The following PDE4D variants were observed in gnomAD, a reference collection of about 807,000 sequenced individuals.
PDE4D encodes the protein phosphodiesterase 4D, also known as 3',5'-cyclic-AMP phosphodiesterase 4D.
Under a neutral mutation model 87.4 loss-of-function variants are expected in PDE4D, and 24 were observed. The observed-to-expected ratio is 0.27, with a 90% confidence interval of 0.20 to 0.39. The LOEUF is 0.39. PDE4D is among the 10% of genes least tolerant of loss of function. The probability of loss-of-function intolerance (pLI) is 1.00; values close to 1 mark genes in which losing one functional copy is unlikely to be tolerated. For synonymous variants in PDE4D, 384 were observed against 383.2 expected (o/e 1.00, Z -0.02); for missense variants, 714 against 1,041.0 (o/e 0.69, Z 4.32).
chr5:60,295,590 A>T (rs1753306302), intron 1 of PDE4D, among the ~76,000 whole-genome samples: 1 of 152,130 alleles, frequency 6.6e-6, no homozygotes, highest in Non-Finnish European at 1.5e-5. Flanking sequence ...GGCTTCTACC[A>T]ACTAGATGGC....
chr5:59,625,138 A>G (rs1050006605), intron 1 of PDE4D, among the ~76,000 whole-genome samples: 1 of 152,200 alleles, frequency 6.6e-6, no homozygotes, highest in African/African-American at 2.4e-5. Context: ...TGAGTCCTAT[A>G]AAACCTATAA....
intron 1 of PDE4D, among the ~76,000 whole-genome samples, chr5:60,412,127 A>T (rs1742094590): frequency 6.6e-6 from 1 of 152,058 alleles, no homozygotes; most frequent in South Asian, 2.1e-4. Flanking sequence ...GGCTGGGTTC[A>T]TCTGTACATT....
intron 1 of PDE4D, among the ~76,000 whole-genome samples, chr5:60,333,376 G>T (rs1312311846): frequency 6.6e-6 from 1 of 152,070 alleles, no homozygotes; most frequent in African/African-American, 2.4e-5. Context: ...GTACATCTGT[G>T]GCCTGTTCAC....
intron 1 of PDE4D, among the ~76,000 whole-genome samples, chr5:59,743,810 C>T (rs766048339): frequency 6.6e-6 from 1 of 152,030 alleles, no homozygotes; most frequent in Non-Finnish European, 1.5e-5. Context: ...TTGAGCACTA[C>T]AATCATCACT....
intron 1 of PDE4D, among the ~76,000 whole-genome samples, chr5:59,370,849 T>C (rs1264080523): frequency 6.6e-6 from 1 of 152,212 alleles, no homozygotes; most frequent in Non-Finnish European, 1.5e-5. Flanking sequence ...TTAAACGTTA[T>C]GATTGATATT....
At chr5:59,347,848 G>A (rs138861348) in intron 1 of PDE4D, among the ~76,000 whole-genome samples, 52 of 152,224 alleles carry the variant, frequency 3.4e-4, no homozygotes, top group African/African-American at 1.1e-3. Context: ...TTGACCTTGT[G>A]CAGTTCTGAG....
intron 2 of PDE4D, among the ~76,000 whole-genome samples, chr5:59,204,637 GA>G (rs1169838681): frequency 1.3e-5 from 2 of 152,306 alleles, no homozygotes; most frequent in African/African-American, 4.8e-5. Context: ...ACAAAGCTGA[GA>G]GTCTGACTTC....
At chr5:59,130,086 A>C (rs1776062105) in intron 5 of PDE4D, among the ~76,000 whole-genome samples, 1 of 152,222 alleles carries the variant, frequency 6.6e-6, no homozygotes, top group African/African-American at 2.4e-5. Flanking sequence ...GTTCCTCAGT[A>C]CCACTAAAAT....
chr5:59,276,773 C>A (rs1030245583), intron 1 of PDE4D, among the ~76,000 whole-genome samples: 2 of 152,064 alleles, frequency 1.3e-5, no homozygotes, highest in Non-Finnish European at 1.5e-5. Context: ...TCCTTAACAG[C>A]TCTTCAGTAA....
chr5:59,435,845 T>C (rs936779746), intron 1 of PDE4D, among the ~76,000 whole-genome samples: 1 of 152,196 alleles, frequency 6.6e-6, no homozygotes, highest in Non-Finnish European at 1.5e-5. Flanking sequence ...TTGGAAGTAG[T>C]GGAGCTATTC....
intron 1 of PDE4D, among the ~76,000 whole-genome samples, chr5:60,297,035 A>T (rs1753463154): frequency 6.6e-6 from 1 of 152,158 alleles, no homozygotes; most frequent in Non-Finnish European, 1.5e-5. Flanking sequence ...GCACATGTAT[A>T]CCTATGTAAC....
intron 1 of PDE4D, among the ~76,000 whole-genome samples, chr5:59,753,285 G>A (rs1389546699): frequency 6.6e-6 from 1 of 152,110 alleles, no homozygotes; most frequent in Non-Finnish European, 1.5e-5. Context: ...GGTATTGGGA[G>A]GGAACAGAAC....
At chr5:60,011,310 G>A (rs1023434136) in intron 2 of PDE4D, among the ~76,000 whole-genome samples, 3 of 152,092 alleles carry the variant, frequency 2.0e-5, no homozygotes, top group Non-Finnish European at 4.4e-5. Flanking sequence ...TTCCTCATTT[G>A]AATATCTATG....
In PDE4D at chr5:59,931,803, A is replaced by G. The variant is rs191538593; in HGVS notation, c.272+56685T>C. Reference sequence around the variant, plus strand: ...TGCAAGCTCCGCCTCCCAGGTTCACACCATTCTCCTGCCTCAGCCTCCTGA... The same window carrying G: ...TGCAAGCTCCGCCTCCCAGGTTCACGCCATTCTCCTGCCTCAGCCTCCTGA... On this transcript the variant is annotated intron_variant, in intron 3 of 16. Transcript: ENST00000502484. Among the ~76,000 whole-genome samples the G allele has an allele frequency of 1.9e-3, 275 of 148,576 alleles. 1 individual carries two copies. The highest frequency in any genetic ancestry group is 4.9e-3 in the African/African-American group (197 of 40,306).
intron 1 of PDE4D, among the ~76,000 whole-genome samples, chr5:59,459,600 C>A (rs1562227461): frequency 6.6e-6 from 1 of 152,126 alleles, no homozygotes; most frequent in Non-Finnish European, 1.5e-5. Context: ...TCAGATGATC[C>A]TATGATACTG....
chr5:59,875,718 T>C (rs1042604354), intron 1 of PDE4D, among the ~76,000 whole-genome samples: 6 of 152,136 alleles, frequency 3.9e-5, no homozygotes, highest in Admixed American at 2.0e-4. Flanking sequence ...TCTGAGTTCC[T>C]AAAATCTGAT....
intron 2 of PDE4D, among the ~76,000 whole-genome samples, chr5:60,182,874 C>T (rs1321525815): frequency 3.3e-5 from 5 of 149,814 alleles, no homozygotes; most frequent in African/African-American, 4.9e-5. Flanking sequence ...AGCAAGACTC[C>T]GTCTCAGAAA....
chr5:59,567,681 A>T (rs934262466), intron 1 of PDE4D, among the ~76,000 whole-genome samples: 1 of 152,184 alleles, frequency 6.6e-6, no homozygotes, highest in Non-Finnish European at 1.5e-5. Context: ...GCTTATATTT[A>T]TGTATTTCAA....
chr5:59,279,191 G>T (rs953903186), intron 1 of PDE4D, among the ~76,000 whole-genome samples: 1 of 151,896 alleles, frequency 6.6e-6, no homozygotes, highest in Non-Finnish European at 1.5e-5. Flanking sequence ...AAATATTCAG[G>T]CCTCTCAAAT....
Sources: gnomAD v4.1 joint callset for allele counts (sites outside exome capture counted in the v4.1 genomes callset) on GRCh38, gnomAD v4.1.1 for gene constraint, MANE v1.5 for transcripts, NCBI Gene and HGNC (gene_info 2026-07-23, HGNC 2026-07-21) for gene names.